The following VRTN variants were observed in gnomAD, a reference collection of about 807,000 sequenced individuals.
The protein encoded by VRTN is vertebrae development associated, also known as vertnin.
VRTN carries 5 observed loss-of-function variants against 18.2 expected under a neutral mutation model. The observed-to-expected ratio is 0.27, with a 90% CI of 0.14 to 0.58. VRTN has a LOEUF of 0.58. VRTN is among the 20% of genes least tolerant of loss of function. VRTN has a pLI of 0.91. For synonymous variants in VRTN, 381 were observed against 393.7 expected (o/e 0.97, Z 0.38); for missense variants, 741 against 939.4 (o/e 0.79, Z 2.76).
upstream of VRTN, among the ~76,000 whole-genome samples, chr14:74,344,197 G>C (rs11848849): frequency 0.81 from 111,797 of 137,438 alleles, 45,895 homozygotes; most frequent in African/African-American, 0.95. Context: ...TCACTTGAAC[G>C]CAGGAGTTCA....
intron 1 of VRTN, among the ~76,000 whole-genome samples, chr14:74,350,200 C>T (rs923692636): frequency 2.0e-5 from 3 of 152,284 alleles, no homozygotes; most frequent in East Asian, 1.9e-4. Flanking sequence ...CCTTTCCACA[C>T]GGCCCTATTC....
chr14:74,332,158 T>C (rs1026149817), intron 1 of VRTN, among the ~76,000 whole-genome samples: 4 of 152,016 alleles, frequency 2.6e-5, no homozygotes, highest in African/African-American at 9.7e-5. Flanking sequence ...ACCTTTGTTC[T>C]GTATTGTAGA....
chr14:74,304,152 T>C lies in VRTN; in HGVS notation c.-164+976T>C, dbSNP rs79983502. On this transcript the variant is annotated intron_variant, in intron 1 of 2. Transcript: ENST00000557177. ...AAGAGTGAGCCACCGCTCCTGGCCTTTTTTTGTTTTTGTTTTTGTTTTAGA... is the reference window on the plus strand; with the variant it reads ...AAGAGTGAGCCACCGCTCCTGGCCTCTTTTTGTTTTTGTTTTTGTTTTAGA... Among the ~76,000 whole-genome samples, 1,237 of 151,132 alleles carry C rather than the reference T, an allele frequency of 8.2e-3. 10 individuals carry two copies. The highest frequency in any genetic ancestry group is 0.029 in the African/African-American group (1,175 of 41,134).
At chr14:74,338,885 C>T (rs1046903009) in intron 2 of VRTN, among the ~76,000 whole-genome samples, 3 of 152,030 alleles carry the variant, frequency 2.0e-5, no homozygotes, top group South Asian at 2.1e-4. Context: ...CCACCATGCC[C>T]GGCTAATTTT....
chr14:74,324,387 C>G (rs1161004837), intron 1 of VRTN, among the ~76,000 whole-genome samples: 4 of 73,176 alleles, frequency 5.5e-5, no homozygotes, highest in Admixed American at 3.5e-4. Flanking sequence ...GACTCTGACT[C>G]AAAAAAAAAA....
intron 1 of VRTN, among the ~76,000 whole-genome samples, chr14:74,314,465 C>T (rs1291792258): frequency 7.1e-6 from 1 of 140,192 alleles, no homozygotes; most frequent in African/African-American, 2.7e-5. Flanking sequence ...GGCACAATCT[C>T]GGCTCACTGC....
At chr14:74,330,277 G>A (rs2085513162) in intron 1 of VRTN, among the ~76,000 whole-genome samples, 1 of 152,038 alleles carries the variant, frequency 6.6e-6, no homozygotes, top group African/African-American at 2.4e-5. Flanking sequence ...ATTTGGAAAG[G>A]AAAGTGAGGT....
At position 74,320,487 on chromosome 14, in the gene VRTN, C is replaced by G. The variant is rs1216428216; in HGVS notation, c.-163-17236C>G. ...CCATGTTAGCCAGGATGGTCTCGATCTCCTGACCTTGTGATCCGCCCGCCT... is the reference window on the plus strand; with the variant it reads ...CCATGTTAGCCAGGATGGTCTCGATGTCCTGACCTTGTGATCCGCCCGCCT... On this transcript the variant is annotated intron_variant, in intron 1 of 2. Transcript: ENST00000557177. 3.4e-5 allele frequency among the ~76,000 whole-genome samples: 5 copies of G among 145,586 alleles called. 1 individual carries two copies. The South Asian group carries it at 1.1e-3, about 32-fold the overall frequency.
intron 1 of VRTN, among the ~76,000 whole-genome samples, chr14:74,330,406 C>CA (rs1176406276): frequency 6.6e-6 from 1 of 151,332 alleles, no homozygotes; most frequent in Non-Finnish European, 1.5e-5. Context: ...TGTAAGCACT[C>CA]AGTTAGTTGA....
chr14:74,350,751 ATAGCG>A (rs2085678003), intron 1 of VRTN, among the ~76,000 whole-genome samples: 2 of 152,310 alleles, frequency 1.3e-5, no homozygotes, highest in African/African-American at 4.8e-5. Context: ...GATCCTGTAG[ATAGCG>A]TAGGTGTGAT....
At chr14:74,313,957 T>C (rs1034808488) in intron 1 of VRTN, among the ~76,000 whole-genome samples, 1 of 152,086 alleles carries the variant, frequency 6.6e-6, no homozygotes, top group Non-Finnish European at 1.5e-5. Flanking sequence ...GAAAAACAGC[T>C]GGAGCCTTTA....
At chr14:74,355,578 A>G (rs2085720424) in intron 1 of VRTN, among the ~76,000 whole-genome samples, 1 of 152,144 alleles carries the variant, frequency 6.6e-6, no homozygotes, top group African/African-American at 2.4e-5. Flanking sequence ...TCTGTCACCC[A>G]TGCTTGAGCA....
chr14:74,324,293 C>T (rs558198560), intron 1 of VRTN, among the ~76,000 whole-genome samples: 1 of 146,622 alleles, frequency 6.8e-6, no homozygotes, highest in African/African-American at 2.5e-5. Context: ...GAGGCTGAGG[C>T]AGGAGAATCG....
upstream of VRTN, among the ~76,000 whole-genome samples, chr14:74,347,094 G>C (rs1285176490): frequency 6.6e-6 from 1 of 152,150 alleles, no homozygotes; most frequent in Non-Finnish European, 1.5e-5. Flanking sequence ...CTGAGAACTA[G>C]AATACACTTT....
intron 1 of VRTN, among the ~76,000 whole-genome samples, chr14:74,336,646 G>C (rs2085566616): frequency 6.6e-6 from 1 of 151,978 alleles, no homozygotes; most frequent in Admixed American, 6.6e-5. Flanking sequence ...ATCAGTAGTG[G>C]GTAATATAAT....
chr14:74,328,889 C>G (rs916355741), intron 1 of VRTN, among the ~76,000 whole-genome samples: 2 of 152,072 alleles, frequency 1.3e-5, no homozygotes, highest in Non-Finnish European at 2.9e-5. Context: ...AATCCCAGCA[C>G]TTTGGGAGGC....
At position 74,357,770 on chromosome 14, in the gene VRTN, C is replaced by T. The variant is rs1352594843; in HGVS notation, c.987C>T (p.Val329=). Residue 329 remains valine (V), a synonymous_variant, in exon 2 of 2, where the codon GTC becomes GTT. Coordinates refer to ENST00000256362, the MANE Select transcript of VRTN (RefSeq NM_018228.3). This position sits in a 1 kb window ranked among gnomAD's most constrained non-coding sequence, Gnocchi z 7.8. ...AGGACAGCTTCCACCGGGGGGGCGT[C>T]GTGCCACTTCAGCAGTTCCTCCAGC... ...FLQDSFHRGG[V]VPLQQFLQRF... The T allele has an allele frequency of 5.0e-6, 8 of 1,613,018 alleles. No homozygotes were observed. The highest frequency in any genetic ancestry group is 2.2e-5 in the South Asian group (2 of 91,090).
At chr14:74,331,445 C>G (rs2085522777) in intron 1 of VRTN, among the ~76,000 whole-genome samples, 1 of 149,016 alleles carries the variant, frequency 6.7e-6, no homozygotes. Context: ...AGGAGAATCG[C>G]TTGAACCCAG....
upstream of VRTN, among the ~76,000 whole-genome samples, chr14:74,346,998 T>C (rs767797707): frequency 2.0e-5 from 3 of 152,202 alleles, no homozygotes; most frequent in Non-Finnish European, 4.4e-5. Context: ...TCTCCTCCTA[T>C]GAGATAACCA....
Sources: allele counts gnomAD v4.1 joint callset (sites outside exome capture counted in the v4.1 genomes callset), GRCh38; gene constraint gnomAD v4.1.1; non-coding constraint Gnocchi (gnomAD v3.1); transcripts MANE v1.5; gene names NCBI Gene and HGNC (gene_info 2026-07-23, HGNC 2026-07-21).